Variants in UGT2A1 observed in about 807,000 individuals in gnomAD.
UGT2A1 encodes UDP-glucuronosyltransferase 2A1.
In UGT2A1, 61 loss-of-function variants were observed where a neutral mutation model predicts 45.4. The ratio of observed to expected loss-of-function variants is 1.34; its 90% CI spans 1.09 to 1.66. The LOEUF is 1.66. UGT2A1 is among the 40% of genes most tolerant of loss of function. The pLI, the probability that UGT2A1 is intolerant of heterozygous loss-of-function variation, is 0.00. For missense variants in UGT2A1, 649 were observed against 574.3 expected (o/e 1.13, Z -1.33); for synonymous variants, 229 against 196.2 (o/e 1.17, Z -1.40).
At chr4:69,620,000 CAT>C (rs1278270956) in intron 3 of UGT2A1, among the ~76,000 whole-genome samples, 1 of 151,942 alleles carries the variant, frequency 6.6e-6, no homozygotes, top group Non-Finnish European at 1.5e-5. Context: ...TAATAAGAGA[CAT>C]ATATGACAAA....
intron 3 of UGT2A1, among the ~76,000 whole-genome samples, chr4:69,620,954 G>A (rs1372683727): frequency 6.6e-6 from 1 of 151,968 alleles, no homozygotes; most frequent in Non-Finnish European, 1.5e-5. Flanking sequence ...GCCATATACA[G>A]AATACCAAAA....
chr4:69,623,363 A>C (rs558681000), intron 3 of UGT2A1, among the ~76,000 whole-genome samples: 12 of 151,762 alleles, frequency 7.9e-5, no homozygotes, highest in Non-Finnish European at 1.8e-4. Flanking sequence ...TTTGAATACA[A>C]GTAATTTTTG....
Position 69,619,358 on chromosome 4 carries a change from G to A in UGT2A1, c.847+16333C>T, listed in dbSNP as rs546811458. 3.6e-4 allele frequency among the ~76,000 whole-genome samples: 55 copies of A among 151,782 alleles called. 2 individuals carry two copies. The South Asian group carries it at 0.011, about 30-fold the overall frequency. On this transcript the variant is annotated intron_variant, in intron 3 of 6. Coordinates refer to ENST00000286604, the MANE Select transcript of UGT2A1 (RefSeq NM_001252275.3). ...AGACTACAGTGAGCCAACATCAGTG[G>A]CACTGTACTTCAGCCTGGGTGACAG... is the stretch of plus-strand genomic sequence containing the variant.
At chr4:69,630,967 G>A (rs1384097654) in intron 3 of UGT2A1, among the ~76,000 whole-genome samples, 2 of 152,064 alleles carry the variant, frequency 1.3e-5, no homozygotes, top group Admixed American at 6.5e-5. Context: ...CTACTTAAAT[G>A]TTATTAATAA....
At chr4:69,633,394 T>C (rs933359340) in intron 3 of UGT2A1, among the ~76,000 whole-genome samples, 1 of 152,162 alleles carries the variant, frequency 6.6e-6, no homozygotes, top group Non-Finnish European at 1.5e-5. Context: ...GCACAACCTT[T>C]TGGGAAACTA....
At chr4:69,592,868 T>C (rs1192650674) in intron 6 of UGT2A1, among the ~76,000 whole-genome samples, 4 of 152,100 alleles carry the variant, frequency 2.6e-5, no homozygotes, top group Non-Finnish European at 4.4e-5. Context: ...ATTAACATTG[T>C]TGTAAAGACA....
chr4:69,651,082 T>C (rs1722503203), intron 1 of UGT2A1, among the ~76,000 whole-genome samples: 1 of 152,100 alleles, frequency 6.6e-6, no homozygotes, highest in Admixed American at 6.5e-5. Context: ...TGATACAGCA[T>C]AAATACCTCA....
rs151238794 is a variant in UGT2A1, at chr4:69,589,083, A to G, written c.*289T>C. 2.2e-4 allele frequency: 55 copies of G among 245,076 alleles called. No individual in the cohort carries two copies. The highest frequency in any genetic ancestry group is 1.2e-3 in the African/African-American group (54 of 44,632). 15.2% of individuals were successfully genotyped at this position (245,076 alleles called of 1,614,324 possible). A position where few individuals can be genotyped will look rare whatever the true frequency, so the allele number is the denominator to read the frequency against. On this transcript the variant is annotated 3_prime_UTR_variant, in exon 7 of 7. Transcript: ENST00000286604. ...AAAATAATTTGATACTATGAATAGA[A>G]CATATTTAAAATTAGGTAGTATCCT...
At chr4:69,597,778 T>C (rs1209960761) in intron 4 of UGT2A1, among the ~76,000 whole-genome samples, 1 of 151,970 alleles carries the variant, frequency 6.6e-6, no homozygotes, top group Non-Finnish European at 1.5e-5. Flanking sequence ...ATCATACTGA[T>C]ATGGATTTTT....
At chr4:69,600,850 C>A (rs1026478256) in intron 3 of UGT2A1, among the ~76,000 whole-genome samples, 2 of 151,800 alleles carry the variant, frequency 1.3e-5, no homozygotes, top group Non-Finnish European at 2.9e-5. Flanking sequence ...CTCACTATCA[C>A]AAGAAGAGTA....
chr4:69,635,069 T>A (rs567199879), intron 3 of UGT2A1, among the ~76,000 whole-genome samples: 1 of 152,206 alleles, frequency 6.6e-6, no homozygotes, highest in African/African-American at 2.4e-5. Context: ...CAAAACATCC[T>A]ATCTACCCCC....
chr4:69,646,090 T>A (rs1560497222), intron 2 of UGT2A1, among the ~76,000 whole-genome samples: 1 of 151,890 alleles, frequency 6.6e-6, no homozygotes, highest in Non-Finnish European at 1.5e-5. Context: ...ATAATTCACA[T>A]AATAAATATT....
At chr4:69,625,342 A>G (rs1720993250) in intron 3 of UGT2A1, among the ~76,000 whole-genome samples, 1 of 151,076 alleles carries the variant, frequency 6.6e-6, no homozygotes, top group South Asian at 2.1e-4. Context: ...AAATTTGAAA[A>G]ATTTGGGGCC....
intron 3 of UGT2A1, among the ~76,000 whole-genome samples, chr4:69,605,755 C>T (rs1348837750): frequency 1.5e-5 from 2 of 136,580 alleles, no homozygotes; most frequent in Non-Finnish European, 3.1e-5. Flanking sequence ...CCACCGATCC[C>T]ACAGAAATAC....
chr4:69,630,239 G>A (rs921188255), intron 3 of UGT2A1, among the ~76,000 whole-genome samples: 4 of 152,138 alleles, frequency 2.6e-5, no homozygotes, highest in South Asian at 2.1e-4. Flanking sequence ...AGTTGGCTAC[G>A]ATTCATTTTT....
intron 3 of UGT2A1, among the ~76,000 whole-genome samples, chr4:69,612,063 A>G (rs1260030875): frequency 2.0e-5 from 3 of 152,122 alleles, no homozygotes; most frequent in Admixed American, 6.6e-5. Context: ...TCAAGCTAGA[A>G]AAGCATCTTG....
chr4:69,589,563 C>T lies in UGT2A1; in HGVS notation c.1393G>A (p.Val465Ile), dbSNP rs1577936080. ...TGCTTGGCTCCTTTGTGGCGCATGA[C>T]AAACTCGATCCAGAAGACTGCTCGA... ...LDRAVFWIEFVMRHKGAKHLR... is the reference protein window; with the variant it reads ...LDRAVFWIEFIMRHKGAKHLR... The change falls in exon 7 of 7, where the codon GTC becomes ATC. Residue 465 changes from valine (V) to isoleucine (I), a missense_variant. Transcript: ENST00000286604. The T allele has an allele frequency of 1.2e-6, 2 of 1,614,056 alleles. No homozygotes were observed. Among genetic ancestry groups the T allele is most frequent in the East Asian group, 4.5e-5 (2 of 44,882 alleles).
At chr4:69,611,276 G>C (rs960406729) in intron 3 of UGT2A1, among the ~76,000 whole-genome samples, 1 of 100,900 alleles carries the variant, frequency 9.9e-6, no homozygotes, top group Non-Finnish European at 2.1e-5. Flanking sequence ...CTCCCAGTAG[G>C]TCACCTCCAA....
At chr4:69,620,984 CAT>C (rs1041993099) in intron 3 of UGT2A1, among the ~76,000 whole-genome samples, 6 of 151,954 alleles carry the variant, frequency 3.9e-5, no homozygotes, top group African/African-American at 1.4e-4. Flanking sequence ...TTTCTTACAC[CAT>C]ATACAAATAT....
Sources: allele counts gnomAD v4.1 joint callset (sites outside exome capture counted in the v4.1 genomes callset), GRCh38; gene constraint gnomAD v4.1.1; transcripts MANE v1.5; gene names NCBI Gene and HGNC (gene_info 2026-07-23, HGNC 2026-07-21).